Variants in FCSK observed in about 807,000 individuals in gnomAD.
FCSK encodes fucose kinase, also known as L-fucose kinase.
FCSK carries 123 observed loss-of-function variants against 122.5 expected under a neutral mutation model. That is an observed-to-expected ratio of 1.00 (90% confidence interval 0.87 to 1.17). FCSK has a LOEUF of 1.17. Ranked by LOEUF, FCSK falls within the 50% of genes most tolerant of loss-of-function variation. The pLI is 0.00. For missense variants in FCSK, 1,366 were observed against 1,450.4 expected (o/e 0.94, Z 0.95); for synonymous variants, 620 against 625.5 (o/e 0.99, Z 0.13).
In FCSK at chr16:70,463,779, G is replaced by A; in HGVS notation, c.234+5G>A. 1 of 1,604,166 alleles carries A rather than the reference G, an allele frequency of 6.2e-7. No homozygotes were observed. Among genetic ancestry groups the A allele is most frequent in the Non-Finnish European group, 8.5e-7 (1 of 1,176,510 alleles). The stretch of plus-strand genomic sequence containing the variant: ...AGTGCCCGGGCAGGCTTCACTGTGA[G>A]TGCTCACCAGGGCCACCTCCCTGGT... On this transcript the variant is annotated splice_donor_5th_base_variant and intron_variant, in intron 3 of 23. Coordinates refer to ENST00000288078, the MANE Select transcript of FCSK (RefSeq NM_145059.3).
chr16:70,463,922 C>T, intron 3 of FCSK, 148 bp downstream of exon 3: 3 of 867,184 alleles, frequency 3.5e-6, no homozygotes, highest in Non-Finnish European at 5.1e-6. Flanking sequence ...GGACTCATCT[C>T]TGCCTTGCCG....
chr16:70,454,696 G>A (rs2048032684), intron 1 of FCSK, 66 bp downstream of exon 1: 1 of 152,198 alleles, frequency 6.6e-6, no homozygotes, highest in Admixed American at 6.5e-5. Context: ...CGCCCCCTCA[G>A]CTTTCCGGTG....
rs200044033 is a variant in FCSK, at chr16:70,471,026, C to G, written c.1124C>G (p.Pro375Arg). The change falls in exon 12 of 24, where the codon CCT becomes CGT. Residue 375 changes from proline to arginine, a missense_variant. Pro to Arg is a moderately radical substitution (Grantham distance 103). Coordinates refer to ENST00000288078, the MANE Select transcript of FCSK (RefSeq NM_145059.3). ...SSVVSCLLEGPVQLGPGSVLQ... is the reference protein window; with the variant it reads ...SSVVSCLLEGRVQLGPGSVLQ... ...GTGGTCAGCTGCCTGCTGGAGGGCC[C>G]TGTCCAGCTGGGTCCTGGGAGCGTC... 1.1e-4 allele frequency: 183 copies of G among 1,602,940 alleles called. No homozygotes were observed. In the African/African-American group the frequency reaches 2.2e-3, roughly 19 times the overall value.
rs1218004111 is a variant in FCSK at position 70,463,736 on chromosome 16, G to T, written c.196G>T (p.Val66Leu). 2 of 1,612,410 alleles carry T rather than the reference G, an allele frequency of 1.2e-6. No individual in the cohort carries two copies. ...SGGATLNALL[V>L]AAEHLSARAG... ...AGGAGCCACCCTCAACGCCCTGCTG[G>T]TGGCTGCTGAACACCTGAGTGCCCG... The change falls in exon 3 of 24, where the codon GTG (valine) becomes TTG (leucine). Residue 66 changes from valine to leucine, a missense_variant. By Grantham distance (32) the Val-to-Leu change is conservative. Transcript: ENST00000288078.
intron 2 of FCSK, 138 bp from the exon 3 acceptor site, chr16:70,463,485 G>A (rs2048327769): frequency 2.6e-6 from 3 of 1,132,328 alleles, no homozygotes; most frequent in Non-Finnish European, 3.9e-6. Flanking sequence ...TCACTAAGTT[G>A]GGTGAAGATC....
At chr16:70,463,407 C>T in intron 2 of FCSK, 135 bp downstream of exon 2, 1 of 878,260 alleles carries the variant, frequency 1.1e-6, no homozygotes, top group Non-Finnish European at 1.8e-6. Context: ...CATGTGACAG[C>T]ATACGTGGCA....
At chr16:70,470,779 C>T (rs2048587178) in intron 11 of FCSK, among the ~76,000 whole-genome samples, 192 bp from the exon 12 acceptor site, 2 of 152,084 alleles carry the variant, frequency 1.3e-5, no homozygotes, top group Admixed American at 6.6e-5. Context: ...CAAGGTTGGG[C>T]GTAGTTGGAC....
chr16:70,478,286 G>A lies in FCSK; in HGVS notation c.2656G>A (p.Asp886Asn). 1 of 1,614,054 alleles carries A rather than the reference G, an allele frequency of 6.2e-7. No homozygotes were observed. Among genetic ancestry groups the A allele is most frequent in the Non-Finnish European group, 8.5e-7 (1 of 1,180,022 alleles). The part of the protein sequence containing the change: ...QVLTTGGGWQ[D>N]QVGGLMPGIK... ...TGGGCTCACAGGAGGTGGCTGGCAG[G>A]ACCAAGTAGGTGGCCTAATGCCTGG... is the stretch of plus-strand genomic sequence containing the variant. The change falls in exon 21 of 24, where the codon GAC becomes AAC. Residue 886 changes from aspartate to asparagine, a missense_variant. Coordinates refer to ENST00000288078, the MANE Select transcript of FCSK (RefSeq NM_145059.3).
In FCSK at chr16:70,473,189, A is replaced by G. The variant is rs1388439969; in HGVS notation, c.1613A>G (p.Asp538Gly). Residue 538 changes from aspartate to glycine, a missense_variant, in exon 15 of 24, where the codon GAT (aspartate) becomes GGT (glycine). By Grantham distance (94) the Asp-to-Gly change is moderately conservative. Transcript: ENST00000288078. This position sits in a 1 kb window ranked among gnomAD's most constrained non-coding sequence, Gnocchi z 4.9. Reference protein sequence around the residue: ...LSWEQLQPCLDRAATLASRRD... With the variant: ...LSWEQLQPCLGRAATLASRRD... ...TGGGAGCAGCTGCAGCCGTGCCTGG[A>G]TCGGGCTGCCACGCTGGCCTCTCGC... 3.2e-6 allele frequency: 5 copies of G among 1,539,400 alleles called. 1 individual carries two copies. In the Admixed American group the frequency reaches 9.8e-5, roughly 30 times the overall value.
chr16:70,472,098 C>T (rs1361382041), intron 13 of FCSK, among the ~76,000 whole-genome samples: 3 of 152,096 alleles, frequency 2.0e-5, no homozygotes, highest in Non-Finnish European at 4.4e-5. Flanking sequence ...TGTGAGCCAC[C>T]GCGCACGGCT....
chr16:70,467,472 G>A lies in FCSK; in HGVS notation c.582+1G>A. ...TGGCGTCTACCTAACTGACCCCCAG[G>A]TAGTGCCCCTGGGGACAGTGGAGCC... is the stretch of plus-strand genomic sequence containing the variant. On this transcript the variant is annotated splice_donor_variant, in intron 7 of 23. Transcript: ENST00000288078. LOFTEE classifies it high-confidence loss of function. 1.3e-6 allele frequency: 2 copies of A among 1,591,792 alleles called. No homozygotes were observed. The highest frequency in any genetic ancestry group is 1.7e-6 in the Non-Finnish European group (2 of 1,169,978).
chr16:70,463,073 T>TTA, intron 1 of FCSK, 96 bp from the exon 2 acceptor site: 1 of 746,086 alleles, frequency 1.3e-6, no homozygotes, highest in East Asian at 2.8e-5. Flanking sequence ...CACGAATCTA[T>TTA]ACACATGTTA....
Position 70,474,587 on chromosome 16 carries a change from G to C in FCSK, c.2048G>C (p.Arg683Pro). The change falls in exon 17 of 24, where the codon CGC becomes CCC. Residue 683 changes from arginine to proline, a missense_variant. Physicochemically the swap from Arg to Pro is moderately radical, Grantham distance 103 (BLOSUM62 -2). Coordinates refer to ENST00000288078, the MANE Select transcript of FCSK (RefSeq NM_145059.3). The stretch of plus-strand genomic sequence containing the variant: ...GAGGGGGCTGGTCAGATCCTGATCC[G>C]CCAGGCTGTGATGTCAGCCCAGCAC... ...HYEGAGQILI[R>P]QAVMSAQHFV... is the part of the protein sequence containing the mutation. 1 of 1,565,620 alleles carries C rather than the reference G, an allele frequency of 6.4e-7. No homozygotes were observed. Among genetic ancestry groups the C allele is most frequent in the East Asian group, 2.4e-5 (1 of 42,230 alleles).
At chr16:70,471,491 G>A (rs1269511701) in intron 13 of FCSK, 139 bp downstream of exon 13, 5 of 863,602 alleles carry the variant, frequency 5.8e-6, no homozygotes, top group Non-Finnish European at 8.7e-6. Context: ...ATGTAGGGAG[G>A]AGAGAATGAG....
Position 70,470,337 on chromosome 16 carries a change from A to G in FCSK, c.979A>G (p.Ser327Gly). ...TMAYVSSGSY[S>G]YMTSSASEFL... ...AGCCTATGTCTCCAGCGGCAGCTAC[A>G]GCTACATGACCTCCTCAGCCAGTGA... Residue 327 changes from serine to glycine, a missense_variant, in exon 11 of 24, where the codon AGC becomes GGC. Ser to Gly is a moderately conservative substitution (Grantham distance 56). Coordinates refer to ENST00000288078, the MANE Select transcript of FCSK (RefSeq NM_145059.3). 1 of 1,613,628 alleles carries G rather than the reference A, an allele frequency of 6.2e-7. No individual in the cohort carries two copies. The highest frequency in any genetic ancestry group is 8.5e-7 in the Non-Finnish European group (1 of 1,179,832).
intron 22 of FCSK, chr16:70,478,959 C>T: frequency 3.0e-6 from 2 of 673,556 alleles, no homozygotes; most frequent in Non-Finnish European, 5.4e-6. Context: ...CTTCACAGCT[C>T]CCTAGATGCC....
intron 10 of FCSK, among the ~76,000 whole-genome samples, chr16:70,469,775 C>T (rs989299536): frequency 7.3e-5 from 11 of 151,602 alleles, no homozygotes; most frequent in Admixed American, 5.9e-4. Context: ...TCAGGTGACC[C>T]GCCTGCCTTG....
chr16:70,472,683 C>T (rs2048665790), intron 14 of FCSK, 78 bp downstream of exon 14: 1 of 1,213,770 alleles, frequency 8.2e-7, no homozygotes, highest in Non-Finnish European at 1.2e-6. Context: ...TGTCCCTCCC[C>T]TGCCCCAGAG....
In FCSK at chr16:70,474,700, C is replaced by T. The variant is rs1419653898; in HGVS notation, c.2155+6C>T. ...GGCCCGTGTGGATTTCTCTGGTGAG[C>T]CCCTTGTGGCAGGTGGGGTTGAGGG... On this transcript the variant is annotated splice_donor_region_variant and intron_variant, in intron 17 of 23. Transcript: ENST00000288078. 1 of 1,596,070 alleles carries T rather than the reference C, an allele frequency of 6.3e-7. No homozygotes were observed. Among genetic ancestry groups the T allele is most frequent in the Non-Finnish European group, 8.5e-7 (1 of 1,171,358 alleles).
Sources: gnomAD v4.1 joint callset for allele counts (sites outside exome capture counted in the v4.1 genomes callset) on GRCh38, gnomAD v4.1.1 for gene constraint, Gnocchi (gnomAD v3.1) non-coding constraint, MANE v1.5 for transcripts, NCBI Gene and HGNC (gene_info 2026-07-23, HGNC 2026-07-21) for gene names.